Variants in ACSM3 observed in about 807,000 individuals in gnomAD.
ACSM3 encodes the protein acyl-coenzyme A synthetase ACSM3, mitochondrial.
ACSM3 carries 61 observed loss-of-function variants against 74.1 expected under a neutral mutation model. The ratio of observed to expected loss-of-function variants is 0.82; its 90% CI spans 0.67 to 1.02. ACSM3 has a LOEUF of 1.02. Ranked by LOEUF, ACSM3 falls within the 50% of genes least tolerant of loss-of-function variation. ACSM3 has a pLI of 0.00. For synonymous variants in ACSM3, 213 were observed against 241.5 expected (o/e 0.88, Z 1.09); for missense variants, 660 against 697.0 (o/e 0.95, Z 0.60).
chr16:20,720,739 T>C (rs2079782394), intron 1 of ACSM3, among the ~76,000 whole-genome samples: 1 of 152,234 alleles, frequency 6.6e-6, no homozygotes, highest in African/African-American at 2.4e-5. Flanking sequence ...AATAAGAAGA[T>C]TTTTATTTTA....
chr16:20,734,812 T>C (rs2079855420), intron 1 of ACSM3: 1 of 152,168 alleles, frequency 6.6e-6, no homozygotes, highest in Non-Finnish European at 1.5e-5. Context: ...AAGAATACTC[T>C]TATTTCACAG....
chr16:20,752,788 G>T (rs2079998344), intron 2 of ACSM3, among the ~76,000 whole-genome samples: 1 of 152,206 alleles, frequency 6.6e-6, no homozygotes, highest in East Asian at 1.9e-4. Context: ...AATGGATCAG[G>T]TGATGCCTTA....
rs1220065776 is a variant in ACSM3 at position 20,792,062 on chromosome 16, G to A, written c.1387G>A (p.Gly463Arg). 3.1e-6 allele frequency: 5 copies of A among 1,613,952 alleles called. No individual in the cohort carries two copies. Among genetic ancestry groups the A allele is most frequent in the Non-Finnish European group, 4.2e-6 (5 of 1,179,946 alleles). The change falls in exon 11 of 14, where the codon GGA (glycine) becomes AGA (arginine). Residue 463 changes from glycine to arginine, a missense_variant. Physicochemically the swap from Gly to Arg is moderately radical, Grantham distance 125 (BLOSUM62 -2). Transcript: ENST00000289416. ...CAATTTCTATATCACTGGGGACAGA[G>A]GATATATGGATAAAGATGGGTATTT... ...RGNFYITGDR[G>R]YMDKDGYFWF...
intron 1 of ACSM3, among the ~76,000 whole-genome samples, chr16:20,724,285 G>C (rs906676470): frequency 6.6e-6 from 1 of 152,176 alleles, no homozygotes; most frequent in Non-Finnish European, 1.5e-5. Context: ...AAAATCACAT[G>C]ATTATCTCAA....
chr16:20,779,827 G>A lies in ACSM3; in HGVS notation c.639-887G>A, dbSNP rs145438997. 11 of 179,724 alleles carry A rather than the reference G, an allele frequency of 6.1e-5. No individual in the cohort carries two copies. In the East Asian group the frequency reaches 7.4e-4, roughly 12 times the overall value. The allele number at this position is 179,724 out of a possible 1,614,324, so 11.1% of individuals were successfully genotyped here. A position where few individuals can be genotyped will look rare whatever the true frequency, so the allele number is the denominator to read the frequency against. ...TTCTCTGTCACCCAGGCTGGAGTAC[G>A]GTGGCTCGATCTTGGCTCACTGCAA... On this transcript the variant is annotated intron_variant, in intron 4 of 13. Transcript: ENST00000289416.
chr16:20,782,121 C>T (rs932019579), intron 7 of ACSM3, among the ~76,000 whole-genome samples: 3 of 152,110 alleles, frequency 2.0e-5, no homozygotes, highest in Non-Finnish European at 4.4e-5. Context: ...AACCTTATCC[C>T]AGCAGATAGA....
chr16:20,755,790 C>A (rs1373890326), intron 3 of ACSM3, among the ~76,000 whole-genome samples: 16 of 110,184 alleles, frequency 1.5e-4, no homozygotes, highest in African/African-American at 3.7e-4. Flanking sequence ...CCCCCCCCCC[C>A]ACCCCACAGC....
At chr16:20,793,463 C>T (rs925230846) in intron 12 of ACSM3, among the ~76,000 whole-genome samples, 3 of 150,752 alleles carry the variant, frequency 2.0e-5, no homozygotes, top group Admixed American at 6.6e-5. Flanking sequence ...AACAAGACTC[C>T]GCCTCAAAAA....
At position 20,796,935 on chromosome 16, in the gene ACSM3, G is replaced by A; in HGVS notation, c.1724G>A (p.Arg575Lys). 1 of 1,612,906 alleles carries A rather than the reference G, an allele frequency of 6.2e-7. No individual in the cohort carries two copies. Among genetic ancestry groups the A allele is most frequent in the Non-Finnish European group, 8.5e-7 (1 of 1,179,466 alleles). ...LPKTISGKTK[R>K]NELRKKEWKT... Reference sequence around the variant, plus strand: ...AAGACTATCAGTGGGAAGACAAAAAGAAATGAACTGAGGAAGAAAGAATGG... The same window carrying A: ...AAGACTATCAGTGGGAAGACAAAAAAAAATGAACTGAGGAAGAAAGAATGG... The change falls in exon 14 of 14, where the codon AGA becomes AAA. Residue 575 changes from arginine to lysine, a missense_variant. Coordinates refer to ENST00000289416, the MANE Select transcript of ACSM3 (RefSeq NM_005622.4).
At chr16:20,714,562 A>T (rs2079754425) in intron 1 of ACSM3, among the ~76,000 whole-genome samples, 1 of 152,184 alleles carries the variant, frequency 6.6e-6, no homozygotes, top group African/African-American at 2.4e-5. Context: ...GATGAATAGG[A>T]TGGAGGGAAA....
rs185486189 is a variant in ACSM3 at position 20,796,127 on chromosome 16, A to G, written c.1555-243A>G. The G allele has an allele frequency of 1.9e-3, 902 of 482,886 alleles. 6 individuals are homozygous for G. Among genetic ancestry groups the G allele is most frequent in the African/African-American group, 0.016 (800 of 51,062 alleles). The allele number at this position is 482,886 out of a possible 1,614,324, so 29.9% of individuals were successfully genotyped here. ...CTCAGCGTGACTACTGTTTATAAGT[A>G]ATCCCCCATGCTGAGGGCTAGGCTG... On this transcript the variant is annotated intron_variant, in intron 12 of 13. Coordinates refer to ENST00000289416, the MANE Select transcript of ACSM3 (RefSeq NM_005622.4).
chr16:20,684,316 G>T (rs961943597), intron 1 of ACSM3, among the ~76,000 whole-genome samples: 1 of 152,102 alleles, frequency 6.6e-6, no homozygotes, highest in Non-Finnish European at 1.5e-5. Context: ...TCACACAATC[G>T]CTTAAGGATC....
At chr16:20,682,558 G>A in intron 1 of ACSM3, 1 of 915,990 alleles carries the variant, frequency 1.1e-6, no homozygotes, top group South Asian at 1.5e-5. Context: ...CTAACTTCTT[G>A]TTATGTAAAG....
intron 1 of ACSM3, among the ~76,000 whole-genome samples, chr16:20,747,863 G>A (rs936425895): frequency 4.6e-5 from 7 of 152,220 alleles, no homozygotes; most frequent in Non-Finnish European, 1.0e-4. Context: ...GAGTCTAGCT[G>A]GGCATGATGG....
At chr16:20,746,902 C>A (rs982573264) in intron 1 of ACSM3, among the ~76,000 whole-genome samples, 10 of 151,830 alleles carry the variant, frequency 6.6e-5, no homozygotes, top group African/African-American at 2.4e-4. Context: ...TTCTTAAGGG[C>A]AAAAGTCATT....
intron 1 of ACSM3, among the ~76,000 whole-genome samples, chr16:20,710,090 C>T (rs2079739603): frequency 6.6e-6 from 1 of 152,210 alleles, no homozygotes; most frequent in African/African-American, 2.4e-5. Flanking sequence ...CGTGCATGTT[C>T]TTTCTGCAAT....
upstream of ACSM3, among the ~76,000 whole-genome samples, chr16:20,759,683 C>T (rs367723988): frequency 9.9e-5 from 15 of 152,194 alleles, no homozygotes; most frequent in East Asian, 2.1e-3. Context: ...TCCCACACCT[C>T]GCCCTATGCA....
At chr16:20,692,511 T>G (rs1293333562) in intron 1 of ACSM3, among the ~76,000 whole-genome samples, 1 of 152,182 alleles carries the variant, frequency 6.6e-6, no homozygotes, top group Non-Finnish European at 1.5e-5. Flanking sequence ...TGTGCACCGG[T>G]ATCTCTCAGA....
At chr16:20,695,876 T>C (rs1359236130) in intron 1 of ACSM3, among the ~76,000 whole-genome samples, 1 of 152,222 alleles carries the variant, frequency 6.6e-6, no homozygotes, top group African/African-American at 2.4e-5. Context: ...TCTGTGTATA[T>C]CTATACATTA....
Sources: allele counts gnomAD v4.1 joint callset (sites outside exome capture counted in the v4.1 genomes callset), GRCh38; gene constraint gnomAD v4.1.1; transcripts MANE v1.5; gene names NCBI Gene and HGNC (gene_info 2026-07-23, HGNC 2026-07-21).